Variants in RBKS observed in about 807,000 individuals in gnomAD.
The protein encoded by RBKS is ribokinase.
Under a neutral mutation model 33.9 loss-of-function variants are expected in RBKS, and 33 were observed. That is an observed-to-expected ratio of 0.97 (90% CI 0.74 to 1.30). The LOEUF is 1.30. RBKS is among the 50% of genes most tolerant of loss of function. RBKS has a pLI of 0.00. For synonymous variants in RBKS, 125 were observed against 143.0 expected (o/e 0.87, Z 0.90); for missense variants, 361 against 392.6 (o/e 0.92, Z 0.68).
chr2:27,805,285 G>A (rs1338029575), intron 7 of RBKS, among the ~76,000 whole-genome samples: 1 of 152,160 alleles, frequency 6.6e-6, no homozygotes, highest in African/African-American at 2.4e-5. Context: ...TGTAAATCTT[G>A]GTTTCCATAG....
intron 1 of RBKS, among the ~76,000 whole-genome samples, chr2:27,868,919 G>A (rs1664151654): frequency 6.6e-6 from 1 of 152,124 alleles, no homozygotes; most frequent in African/African-American, 2.4e-5. Flanking sequence ...GATATTTCTA[G>A]AGGACTTATT....
intron 4 of RBKS, among the ~76,000 whole-genome samples, chr2:27,845,966 ATT>A (rs530014294): frequency 1.4e-5 from 2 of 145,254 alleles, no homozygotes; most frequent in Non-Finnish European, 3.0e-5. Context: ...GGTTGTTACC[ATT>A]TTTTTTTTTT....
chr2:27,861,665 G>GGC (rs962298400), intron 1 of RBKS: 7 of 426,290 alleles, frequency 1.6e-5, no homozygotes, highest in African/African-American at 1.1e-4. Flanking sequence ...TTTCTTTTTG[G>GGC]GGGGGGGGTG....
At chr2:27,854,269 C>A (rs1663807591) in intron 2 of RBKS, among the ~76,000 whole-genome samples, 1 of 152,206 alleles carries the variant, frequency 6.6e-6, no homozygotes. Flanking sequence ...ATGATCCTAA[C>A]TGCTTACTCT....
intron 1 of RBKS, among the ~76,000 whole-genome samples, chr2:27,887,246 A>AGTGG (rs1177971805): frequency 5.3e-5 from 8 of 152,294 alleles, no homozygotes; most frequent in Admixed American, 3.3e-4. Flanking sequence ...GGAAGGGGCC[A>AGTGG]CGATGAGCCA....
intron 7 of RBKS, among the ~76,000 whole-genome samples, chr2:27,807,970 A>C (rs1256263544): frequency 6.6e-6 from 1 of 152,236 alleles, no homozygotes; most frequent in Non-Finnish European, 1.5e-5. Context: ...ACATTACATT[A>C]AACTCTCCCT....
chr2:27,870,911 A>G (rs1419710653), intron 1 of RBKS: 1 of 456,950 alleles, frequency 2.2e-6, no homozygotes, highest in Non-Finnish European at 4.4e-6. Flanking sequence ...CATTACACAA[A>G]ACAAGCATTG....
chr2:27,844,616 C>T (rs1198616860), intron 4 of RBKS, among the ~76,000 whole-genome samples: 2 of 151,922 alleles, frequency 1.3e-5, no homozygotes, highest in Admixed American at 6.6e-5. Flanking sequence ...AGGCTAGTCT[C>T]GAACTCCTGA....
chr2:27,848,748 AGGAGAATT>A (rs1246592633), intron 2 of RBKS, among the ~76,000 whole-genome samples: 1 of 151,734 alleles, frequency 6.6e-6, no homozygotes, highest in African/African-American at 2.4e-5. Flanking sequence ...AGGCTGAAGC[AGGAGAATT>A]GCTTGAACCC....
chr2:27,815,714 G>A (rs1028367453), intron 7 of RBKS, among the ~76,000 whole-genome samples: 3 of 152,166 alleles, frequency 2.0e-5, no homozygotes, highest in Non-Finnish European at 2.9e-5. Context: ...GTGGACAGGT[G>A]GGGCTTAGAC....
intron 1 of RBKS, among the ~76,000 whole-genome samples, chr2:27,888,049 G>A: frequency 6.6e-6 from 1 of 152,030 alleles, no homozygotes; most frequent in East Asian, 1.9e-4. Context: ...AAAGCTCTCA[G>A]TTTGGTAACA....
chr2:27,836,278 T>C (rs1678516960), intron 5 of RBKS, among the ~76,000 whole-genome samples: 1 of 152,110 alleles, frequency 6.6e-6, no homozygotes, highest in South Asian at 2.1e-4. Context: ...AACGAAATGA[T>C]ATAACATCTG....
intron 7 of RBKS, among the ~76,000 whole-genome samples, chr2:27,821,319 T>C (rs1344283864): frequency 6.6e-6 from 1 of 152,176 alleles, no homozygotes; most frequent in African/African-American, 2.4e-5. Context: ...GACTTGCCTA[T>C]TTATATTATT....
intron 7 of RBKS, among the ~76,000 whole-genome samples, chr2:27,789,953 A>ATATATATATATATATATATATATATATG (rs1677486045): frequency 7.3e-6 from 1 of 136,252 alleles, no homozygotes; most frequent in Non-Finnish European, 1.5e-5. Context: ...ATATGTGTAT[A>ATATATATATATATATATATATATATATG]TATATATATA....
At chr2:27,861,653 C>G (rs1044798714) in intron 1 of RBKS, 8 of 370,350 alleles carry the variant, frequency 2.2e-5, no homozygotes, top group Non-Finnish European at 4.3e-5. Context: ...TAGTATGTTC[C>G]ATTTCTTTTT....
Position 27,781,523 on chromosome 2 carries a change from G to C in RBKS, c.*92C>G. On this transcript the variant is annotated 3_prime_UTR_variant, in exon 8 of 8. Transcript: ENST00000302188. ...AGAACTAATATTTGCAAAGAAAGGG[G>C]ACGAGGACATTTTCTAATAAGCATT... The C allele has an allele frequency of 6.1e-6, 6 of 981,074 alleles. No homozygotes were observed. Among genetic ancestry groups the C allele is most frequent in the Non-Finnish European group, 9.0e-6 (6 of 668,474 alleles). 60.8% of individuals were successfully genotyped at this position (981,074 alleles called of 1,614,324 possible).
chr2:27,835,904 A>C (rs967711379), intron 5 of RBKS, among the ~76,000 whole-genome samples: 1 of 152,102 alleles, frequency 6.6e-6, no homozygotes, highest in African/African-American at 2.4e-5. Context: ...GTATGAGGTA[A>C]AGACATTACT....
In RBKS at chr2:27,810,980, C is replaced by A. The variant is rs1448674543; in HGVS notation, c.795+16587G>T. 6.6e-6 allele frequency among the ~76,000 whole-genome samples: 1 copy of A among 152,192 alleles called. No individual in the cohort carries two copies. Among genetic ancestry groups the A allele is most frequent in the Non-Finnish European group, 1.5e-5 (1 of 68,030 alleles). ...GAATTCTCAGAAGTGGCAAAGGAAGCCCTTTACAACCCAACCCTGCCACCT... is the reference window on the plus strand; with the variant it reads ...GAATTCTCAGAAGTGGCAAAGGAAGACCTTTACAACCCAACCCTGCCACCT... On this transcript the variant is annotated intron_variant, in intron 7 of 7. Transcript: ENST00000302188. The surrounding 1 kb of genome is among the most constrained non-coding windows in gnomAD (Gnocchi z 4.4).
intron 7 of RBKS, among the ~76,000 whole-genome samples, chr2:27,825,989 G>T (rs1426758160): frequency 2.0e-5 from 3 of 152,184 alleles, no homozygotes; most frequent in African/African-American, 7.2e-5. Flanking sequence ...ATGGCGGATT[G>T]ATTTCAGAAC....
Sources: gnomAD v4.1 joint callset for allele counts (sites outside exome capture counted in the v4.1 genomes callset) on GRCh38, gnomAD v4.1.1 for gene constraint, Gnocchi (gnomAD v3.1) non-coding constraint, MANE v1.5 for transcripts, NCBI Gene and HGNC (gene_info 2026-07-23, HGNC 2026-07-21) for gene names.